The following EIF4ENIF1 variants were observed in gnomAD, a reference collection of about 807,000 sequenced individuals.
The protein encoded by EIF4ENIF1 is eukaryotic translation initiation factor 4E nuclear import factor 1.
EIF4ENIF1 carries 23 observed loss-of-function variants against 110.5 expected under a neutral mutation model. The ratio of observed to expected loss-of-function variants is 0.21; its 90% CI spans 0.15 to 0.29. The LOEUF is 0.29. EIF4ENIF1 is among the 10% of genes least tolerant of loss of function. The probability of loss-of-function intolerance (pLI) is 1.00; values close to 1 mark genes in which losing one functional copy is unlikely to be tolerated. For missense variants in EIF4ENIF1, 1,031 were observed against 1,221.1 expected (o/e 0.84, Z 2.32); for synonymous variants, 440 against 437.0 (o/e 1.01, Z -0.09).
upstream of EIF4ENIF1, among the ~76,000 whole-genome samples, chr22:31,490,706 G>A (rs539364800): frequency 6.6e-6 from 1 of 152,292 alleles, no homozygotes; most frequent in African/African-American, 2.4e-5. Flanking sequence ...AAATATGTGA[G>A]CAGTGTGGGT....
chr22:31,462,484 C>CAAAAA (rs11418470), intron 6 of EIF4ENIF1, among the ~76,000 whole-genome samples: 3 of 137,286 alleles, frequency 2.2e-5, no homozygotes, highest in Admixed American at 7.3e-5. Context: ...GACTCCGTCT[C>CAAAAA]AAAAAAAAAA....
chr22:31,482,037 G>A (rs2051833604), intron 2 of EIF4ENIF1, among the ~76,000 whole-genome samples: 1 of 151,904 alleles, frequency 6.6e-6, no homozygotes, highest in Non-Finnish European at 1.5e-5. Context: ...CATGTGTGGT[G>A]ACACACACCT....
intron 2 of EIF4ENIF1, among the ~76,000 whole-genome samples, chr22:31,487,136 T>TCA (rs1229664291): frequency 1.3e-5 from 2 of 152,152 alleles, no homozygotes; most frequent in Non-Finnish European, 2.9e-5. Flanking sequence ...CATTCAGAAT[T>TCA]CACCTGTCAG....
intron 6 of EIF4ENIF1, among the ~76,000 whole-genome samples, chr22:31,460,755 G>T (rs1398714402): frequency 6.6e-6 from 1 of 152,064 alleles, no homozygotes; most frequent in Admixed American, 6.6e-5. Flanking sequence ...GACCATCCTG[G>T]CTAACATAGT....
At chr22:31,470,164 CAAAAAAAAAAAA>C (rs61046632) in intron 3 of EIF4ENIF1, among the ~76,000 whole-genome samples, 1 of 98,440 alleles carries the variant, frequency 1.0e-5, no homozygotes, top group African/African-American at 3.9e-5. Flanking sequence ...AACTCCACCT[CAAAAAAAAAAAA>C]AAAAAAAAGA....
intron 2 of EIF4ENIF1, among the ~76,000 whole-genome samples, chr22:31,472,629 A>G (rs949579180): frequency 2.6e-5 from 4 of 152,132 alleles, no homozygotes; most frequent in African/African-American, 9.7e-5. Context: ...ACATCCATAT[A>G]CTATGTACCT....
In EIF4ENIF1 at chr22:31,441,822, G is replaced by A; in HGVS notation, c.2503C>T (p.Leu835=). ...QLHPGLVQRM[L]AQGVHPQHLP... is the part of the protein sequence containing the mutation. Reference sequence around the variant, plus strand: ...TGCTGTGGATGTACTCCCTGGGCCAGCATCCTCTGTACCAACCCTGGGTGA... The same window carrying A: ...TGCTGTGGATGTACTCCCTGGGCCAACATCCTCTGTACCAACCCTGGGTGA... The change falls in exon 17 of 19, where the codon CTG becomes TTG. Residue 835 remains leucine, a synonymous_variant. Transcript: ENST00000330125. The A allele has an allele frequency of 6.2e-7, 1 of 1,614,118 alleles. No homozygotes were observed. Among genetic ancestry groups the A allele is most frequent in the Non-Finnish European group, 8.5e-7 (1 of 1,180,008 alleles).
At chr22:31,468,396 C>T in intron 3 of EIF4ENIF1, 94 bp from the exon 4 acceptor site, 1 of 1,545,632 alleles carries the variant, frequency 6.5e-7, no homozygotes, top group Non-Finnish European at 8.8e-7. Flanking sequence ...GTTATGGAAA[C>T]CCATTTCTCC....
intron 2 of EIF4ENIF1, among the ~76,000 whole-genome samples, chr22:31,475,287 C>T (rs1201848789): frequency 6.6e-6 from 1 of 152,018 alleles, no homozygotes; most frequent in Admixed American, 6.6e-5. Context: ...TGTCAAAGAA[C>T]ATACAACCTA....
At position 31,458,603 on chromosome 22, in the gene EIF4ENIF1, C is replaced by T; in HGVS notation, c.835G>A (p.Val279Ile). Residue 279 changes from valine (V) to isoleucine (I), a missense_variant, in exon 7 of 19, where the codon GTC becomes ATC. Physicochemically the swap from Val to Ile is conservative, Grantham distance 29. Transcript: ENST00000330125. ...GCCGCAGGCTCCTGTGCAAGGATGACCTCCACTTCATCCTCTTCGGCCACT... is the reference window on the plus strand; with the variant it reads ...GCCGCAGGCTCCTGTGCAAGGATGATCTCCACTTCATCCTCTTCGGCCACT... ...GGVAEEDEVEVILAQEPAADQ... is the reference protein window; with the variant it reads ...GGVAEEDEVEIILAQEPAADQ... 6.2e-7 allele frequency: 1 copy of T among 1,612,472 alleles called. No homozygotes were observed. Among genetic ancestry groups the T allele is most frequent in the Non-Finnish European group, 8.5e-7 (1 of 1,179,118 alleles).
chr22:31,482,315 TC>T lies in EIF4ENIF1; in HGVS notation c.96+6307del, dbSNP rs1392835819. On this transcript the variant is annotated intron_variant, in intron 2 of 18. Transcript: ENST00000330125. ...TCCCTGTCCAACTGGCAGGTGACAG[TC>T]ATTTAATAAGGAATCAGTGGCAAAA... 3.3e-5 allele frequency among the ~76,000 whole-genome samples: 5 copies of T among 152,274 alleles called. No individual in the cohort carries two copies. The South Asian group carries it at 1.0e-3, about 32-fold the overall frequency.
chr22:31,446,417 G>C (rs1051722271), intron 14 of EIF4ENIF1, among the ~76,000 whole-genome samples: 2 of 152,194 alleles, frequency 1.3e-5, no homozygotes, highest in Admixed American at 6.5e-5. Context: ...TCTCTGTTTC[G>C]GTGGAAGGGT....
At chr22:31,487,575 T>C (rs1162690436) in intron 2 of EIF4ENIF1, among the ~76,000 whole-genome samples, 2 of 152,040 alleles carry the variant, frequency 1.3e-5, no homozygotes, top group African/African-American at 4.8e-5. Flanking sequence ...GGTGGGCGGA[T>C]TGCTTAAGCC....
intron 3 of EIF4ENIF1, among the ~76,000 whole-genome samples, chr22:31,470,927 G>A (rs965854478): frequency 2.0e-5 from 3 of 150,888 alleles, no homozygotes; most frequent in Non-Finnish European, 4.4e-5. Flanking sequence ...CAGGAGAATC[G>A]CTTGAACCTG....
chr22:31,465,257 A>C (rs1168606717), intron 4 of EIF4ENIF1, among the ~76,000 whole-genome samples: 1 of 146,168 alleles, frequency 6.8e-6, no homozygotes, highest in African/African-American at 2.5e-5. Flanking sequence ...TGGGAAGTGG[A>C]GGTTGCAGTG....
upstream of EIF4ENIF1, among the ~76,000 whole-genome samples, chr22:31,492,058 G>A (rs1472637691): frequency 6.6e-6 from 1 of 152,194 alleles, no homozygotes; most frequent in Admixed American, 6.5e-5. Context: ...GTACATGTCT[G>A]GTGGTTGATG....
At chr22:31,441,550 G>GAAAAAAAAAAAAAAAAAAAAAAA (rs771597260) in intron 17 of EIF4ENIF1, among the ~76,000 whole-genome samples, 27 of 65,246 alleles carry the variant, frequency 4.1e-4, no homozygotes, top group African/African-American at 1.6e-3. Context: ...CTACAAAAAG[G>GAAAAAAAAAAAAAAAAAAAAAAA]AAAAAAAAAA....
At chr22:31,457,209 T>C (rs1176591081) in intron 7 of EIF4ENIF1, among the ~76,000 whole-genome samples, 1 of 152,232 alleles carries the variant, frequency 6.6e-6, no homozygotes, top group African/African-American at 2.4e-5. Context: ...TTTCAGGTGT[T>C]TTCTGTTTCC....
At position 31,441,838 on chromosome 22, in the gene EIF4ENIF1, C is replaced by T. The variant is rs375005676; in HGVS notation, c.2487G>A (p.Gly829=). ...MVRPAHQLHP[G]LVQRMLAQGV... is the part of the protein sequence containing the mutation. ...CCTGGGCCAGCATCCTCTGTACCAA[C>T]CCTGGGTGAAGCTGGTGAGCAGGCC... The change falls in exon 17 of 19, where the codon GGG becomes GGA. Residue 829 remains glycine (G), a synonymous_variant. Transcript: ENST00000330125. The T allele has an allele frequency of 1.2e-6, 2 of 1,613,998 alleles. No homozygotes were observed. Among genetic ancestry groups the T allele is most frequent in the African/African-American group, 2.7e-5 (2 of 74,900 alleles).
Sources: gnomAD v4.1 joint callset for allele counts (sites outside exome capture counted in the v4.1 genomes callset) on GRCh38, gnomAD v4.1.1 for gene constraint, MANE v1.5 for transcripts, NCBI Gene and HGNC (gene_info 2026-07-23, HGNC 2026-07-21) for gene names.